The following CRY2 variants were observed in gnomAD, a reference collection of about 807,000 sequenced individuals.
CRY2 encodes the protein cryptochrome circadian regulator 2, also known as cryptochrome-2.
A neutral mutation model predicts 69.5 loss-of-function variants in CRY2; 31 were observed. The observed-to-expected ratio is 0.45, with a 90% confidence interval of 0.34 to 0.60. The LOEUF is 0.60. CRY2 is among the 20% of genes least tolerant of loss of function. The probability of loss-of-function intolerance (pLI) is 0.02; values close to 1 mark genes in which losing one functional copy is unlikely to be tolerated. For synonymous variants in CRY2, 303 were observed against 312.2 expected, an observed-to-expected ratio of 0.97 and a Z score of 0.31; for missense variants, 606 against 797.8, an observed-to-expected ratio of 0.76 and a Z score of 2.90.
chr11:45,866,611 A>C (rs544505927), intron 5 of CRY2, among the ~76,000 whole-genome samples: 11 of 152,200 alleles, frequency 7.2e-5, no homozygotes, highest in Non-Finnish European at 1.0e-4. Context: ...TGGTCACCTG[A>C]GGTTTGGAGT....
chr11:45,864,781 T>C (rs1204279271), intron 5 of CRY2, among the ~76,000 whole-genome samples: 1 of 151,946 alleles, frequency 6.6e-6, no homozygotes, highest in Non-Finnish European at 1.5e-5. Context: ...GGCACGAGAA[T>C]CGCTTGAACC....
chr11:45,870,841 G>C lies in CRY2; in HGVS notation c.1550-1G>C, dbSNP rs779478377. The C allele has an allele frequency of 6.2e-7, 1 of 1,613,038 alleles. No individual in the cohort carries two copies. Among genetic ancestry groups the C allele is most frequent in the African/African-American group, 1.3e-5 (1 of 74,924 alleles). On this transcript the variant is annotated splice_acceptor_variant, in intron 9 of 11. Transcript: ENST00000616080. LOFTEE classifies it high-confidence loss of function. ...CTGATTACTCCTCGCCTCTCTCCCAGGTCTACTGGCATCTGTCCCTTCCTG... is the reference window on the plus strand; with the variant it reads ...CTGATTACTCCTCGCCTCTCTCCCACGTCTACTGGCATCTGTCCCTTCCTG...
intron 6 of CRY2, 162 bp downstream of exon 6, chr11:45,867,914 A>G (rs910026375): frequency 6.7e-6 from 6 of 900,652 alleles, no homozygotes; most frequent in South Asian, 1.8e-5. Context: ...AGAAGACTCA[A>G]TATCCAAGAG....
intron 3 of CRY2, 146 bp from the exon 4 acceptor site, chr11:45,860,698 GCCCC>G (rs1293752864): frequency 1.3e-6 from 1 of 792,568 alleles, no homozygotes; most frequent in Non-Finnish European, 2.0e-6. Flanking sequence ...GGCCTCCCTT[GCCCC>G]CTCCTTTCCA....
At chr11:45,857,753 G>A (rs1286259007) in intron 2 of CRY2, among the ~76,000 whole-genome samples, 2 of 152,212 alleles carry the variant, frequency 1.3e-5, no homozygotes, top group African/African-American at 2.4e-5. Context: ...TTATTCACAG[G>A]TTACAATGAG....
rs374046076 is a variant in CRY2, at chr11:45,870,810, G to A, written c.1550-32G>A. ...GTAGCCCTCTGCAATCCTGCGAGAC[G>A]GCACTCTGATTACTCCTCGCCTCTC... On this transcript the variant is annotated intron_variant, in intron 9 of 11. Coordinates refer to ENST00000616080, the MANE Select transcript of CRY2 (RefSeq NM_021117.5). 1.9e-3 allele frequency: 3,004 copies of A among 1,571,196 alleles called. 5 individuals are homozygous for A. The highest frequency in any genetic ancestry group is 2.3e-3 in the Non-Finnish European group (2,574 of 1,142,948).
In CRY2 at chr11:45,869,637, C is replaced by T. The variant is rs151167319; in HGVS notation, c.1014C>T (p.Pro338=). The change falls in exon 7 of 12, where the codon CCC becomes CCT. Residue 338 remains proline, a synonymous_variant. Coordinates refer to ENST00000616080, the MANE Select transcript of CRY2 (RefSeq NM_021117.5). ...GGAACCCCATCTGCATCCAGATCCC[C>T]TGGGACCGCAATCCTGAGGCCCTGG... ...MEGNPICIQI[P]WDRNPEALAK... 1 of 1,614,294 alleles carries T rather than the reference C, an allele frequency of 6.2e-7. No homozygotes were observed. Among genetic ancestry groups the T allele is most frequent in the African/African-American group, 1.3e-5 (1 of 75,078 alleles).
Position 45,881,237 on chromosome 11 carries a change from A to G in CRY2, c.*326A>G, listed in dbSNP as rs534019961. 6.6e-6 allele frequency: 1 copy of G among 152,542 alleles called. No individual in the cohort carries two copies. The highest frequency in any genetic ancestry group is 2.1e-4 in the South Asian group (1 of 4,830). The allele number at this position is 152,542 out of a possible 1,614,324, so 9.4% of individuals were successfully genotyped here. A position where few individuals can be genotyped will look rare whatever the true frequency, so the allele number is the denominator to read the frequency against. ...TGCAAGCCAGCTGCCTTGTCTGAAC[A>G]GAACGTAGTGGTAGGACCCTAGCTG... is the stretch of plus-strand genomic sequence containing the variant. On this transcript the variant is annotated 3_prime_UTR_variant, in exon 12 of 12. Coordinates refer to ENST00000616080, the MANE Select transcript of CRY2 (RefSeq NM_021117.5).
At chr11:45,854,149 T>A (rs1212366412) in intron 1 of CRY2, among the ~76,000 whole-genome samples, 4 of 152,216 alleles carry the variant, frequency 2.6e-5, no homozygotes, top group African/African-American at 9.6e-5. Flanking sequence ...TGATGTGCCA[T>A]TTCTATTGTT....
At chr11:45,860,001 G>A (rs2086274336) in intron 3 of CRY2, among the ~76,000 whole-genome samples, 1 of 152,286 alleles carries the variant, frequency 6.6e-6, no homozygotes, top group South Asian at 2.1e-4. Context: ...CACTAACGTG[G>A]GGAGAGCAAA....
chr11:45,855,870 C>A, intron 1 of CRY2, 112 bp from the exon 2 acceptor site: 1 of 916,098 alleles, frequency 1.1e-6, no homozygotes, highest in Non-Finnish European at 1.8e-6. Flanking sequence ...CCCTAGTGAT[C>A]ATGAGGCTGC....
At chr11:45,859,683 C>G (rs1199964164) in intron 3 of CRY2, among the ~76,000 whole-genome samples, 4 of 152,166 alleles carry the variant, frequency 2.6e-5, no homozygotes, top group African/African-American at 9.7e-5. Flanking sequence ...GAGGAGCCTC[C>G]TCCCCTGGTG....
At chr11:45,867,364 G>A (rs2086339251) in intron 5 of CRY2, 1 of 500,534 alleles carries the variant, frequency 2.0e-6, no homozygotes, top group Non-Finnish European at 3.5e-6. Flanking sequence ...TAGATACGTA[G>A]CTGAGGGAAG....
chr11:45,869,881 C>T, intron 7 of CRY2, 64 bp downstream of exon 7: 4 of 1,535,324 alleles, frequency 2.6e-6, no homozygotes, highest in South Asian at 2.5e-5. Context: ...AAGGGCAGCC[C>T]CCTTCTGGGC....
At chr11:45,871,995 T>C in intron 10 of CRY2, 97 bp from the exon 11 acceptor site, 9 of 1,496,852 alleles carry the variant, frequency 6.0e-6, no homozygotes, top group Non-Finnish European at 8.2e-6. Context: ...CATTGATAAG[T>C]GTGCTCCCTG....
intron 1 of CRY2, 147 bp from the exon 2 acceptor site, chr11:45,855,835 T>A (rs953636050): frequency 4.1e-6 from 3 of 726,688 alleles, no homozygotes; most frequent in Non-Finnish European, 7.3e-6. Context: ...ACATCCCTCC[T>A]GGGCTGGAAC....
rs1236824243 is a variant in CRY2, at chr11:45,881,373, A to G, written c.*462A>G. The G allele has an allele frequency of 6.5e-6, 1 of 152,716 alleles. No individual in the cohort carries two copies. The highest frequency in any genetic ancestry group is 1.5e-5 in the Non-Finnish European group (1 of 68,104). 9.5% of individuals were successfully genotyped at this position (152,716 alleles called of 1,614,324 possible). ...GTCCAAAGCATGGGATTCTGGAGGC[A>G]GCCAGAGCCCTGCTGAGTTCCTGCT... On this transcript the variant is annotated 3_prime_UTR_variant, in exon 12 of 12. Transcript: ENST00000616080.
Position 45,870,423 on chromosome 11 carries a change from C to T in CRY2, c.1440C>T (p.Ile480=). Residue 480 remains isoleucine (I), a synonymous_variant, in exon 9 of 12, where the codon ATC becomes ATT. Transcript: ENST00000616080. ...CAATTCAGAAGGCAGCCAAGTGCAT[C>T]ATTGGTGTGGACTACCCACGGCCCA... ...PESIQKAAKC[I]IGVDYPRPIV... The T allele has an allele frequency of 6.2e-7, 1 of 1,614,242 alleles. No homozygotes were observed. Among genetic ancestry groups the T allele is most frequent in the Non-Finnish European group, 8.5e-7 (1 of 1,180,048 alleles).
chr11:45,878,304 G>A (rs1293377044), intron 11 of CRY2, among the ~76,000 whole-genome samples: 1 of 152,120 alleles, frequency 6.6e-6, no homozygotes, highest in Non-Finnish European at 1.5e-5. Flanking sequence ...TTATTCTAAG[G>A]AATCTTCATG....
Sources: gnomAD v4.1 joint callset for allele counts (sites outside exome capture counted in the v4.1 genomes callset) on GRCh38, gnomAD v4.1.1 for gene constraint, MANE v1.5 for transcripts, NCBI Gene and HGNC (gene_info 2026-07-23, HGNC 2026-07-21) for gene names.